COQ6: variants seen among roughly 807,000 people sequenced by gnomAD.
COQ6 encodes the protein ubiquinone biosynthesis monooxygenase COQ6, mitochondrial.
Under a neutral mutation model 55.5 loss-of-function variants are expected in COQ6, and 45 were observed. That is an observed-to-expected ratio of 0.81 (90% CI 0.64 to 1.04). The LOEUF is 1.04. Among genes scored for constraint, COQ6 ranks in the 50% least tolerant of loss-of-function variants. The pLI is 0.00. For missense variants in COQ6, 550 were observed against 601.3 expected, an observed-to-expected ratio of 0.91 and a Z score of 0.89; for synonymous variants, 206 against 230.5, an observed-to-expected ratio of 0.89 and a Z score of 0.96.
chr14:73,960,843 AAGC>A, intron 8 of COQ6: 1 of 421,398 alleles, frequency 2.4e-6, no homozygotes, highest in Non-Finnish European at 4.4e-6. Context: ...CGGGCATTCT[AAGC>A]AGAGGAGAGT....
intron 1 of COQ6, among the ~76,000 whole-genome samples, chr14:73,952,413 T>C (rs1022520003): frequency 2.0e-5 from 3 of 151,826 alleles, no homozygotes; most frequent in Non-Finnish European, 4.4e-5. Flanking sequence ...TGACCCACTG[T>C]GCCTGACCTT....
intron 8 of COQ6, chr14:73,959,999 AAAT>A: frequency 9.7e-7 from 1 of 1,033,884 alleles, no homozygotes; most frequent in Non-Finnish European, 1.2e-6. Flanking sequence ...TAGAAATAAT[AAAT>A]AATAACCTTT....
Position 73,961,468 on chromosome 14 carries a change from A to G in COQ6, c.1108A>G (p.Arg370Gly). The change falls in exon 10 of 12, where the codon AGA becomes GGA. Residue 370 changes from arginine (R) to glycine (G), a missense_variant. Arg to Gly is a moderately radical substitution (Grantham distance 125, BLOSUM62 -2). Transcript: ENST00000334571. ...CTTTATTCTTAGGGATGCAGCCCAC[A>G]GAGTCCATCCGCTTGCAGGACAGGG... ...RVALIGDAAH[R>G]VHPLAGQGVN... The G allele has an allele frequency of 1.2e-6, 2 of 1,614,224 alleles. No homozygotes were observed. Among genetic ancestry groups the G allele is most frequent in the Non-Finnish European group, 1.7e-6 (2 of 1,180,040 alleles).
At chr14:73,959,114 A>G (rs1292352129) in intron 6 of COQ6, 36 bp downstream of exon 6, 3 of 1,614,060 alleles carry the variant, frequency 1.9e-6, no homozygotes, top group African/African-American at 1.3e-5. Context: ...GACTTTATTC[A>G]TAGGCACTAG....
intron 3 of COQ6, 116 bp downstream of exon 3, chr14:73,955,625 A>T: frequency 2.2e-6 from 3 of 1,345,620 alleles, no homozygotes; most frequent in Non-Finnish European, 3.2e-6. Context: ...GTTCACATTC[A>T]GTCCGAGGAA....
At chr14:73,959,838 G>A in intron 8 of COQ6, 1 of 1,305,714 alleles carries the variant, frequency 7.7e-7, no homozygotes, top group Non-Finnish European at 9.8e-7. Context: ...CCAAAGTGCT[G>A]GGATTACAGG....
intron 1 of COQ6, among the ~76,000 whole-genome samples, chr14:73,952,148 GTCTC>G (rs2056228643): frequency 9.1e-6 from 1 of 109,830 alleles, no homozygotes; most frequent in African/African-American, 3.3e-5. Context: ...TTGAGACAGA[GTCTC>G]TGCTCTGTCA....
At chr14:73,957,905 G>T (rs2056519013) in intron 4 of COQ6, 5 of 480,248 alleles carry the variant, frequency 1.0e-5, no homozygotes, top group Non-Finnish European at 1.9e-5. Flanking sequence ...CATGTGGACA[G>T]TAAGAAAGAG....
intron 3 of COQ6, 39 bp from the exon 4 acceptor site, chr14:73,955,766 C>T (rs1566684859): frequency 7.4e-6 from 12 of 1,613,892 alleles, no homozygotes; most frequent in African/African-American, 1.3e-5. Flanking sequence ...TGATGTTTCC[C>T]TCTTGGTTTT....
chr14:73,950,605 G>T (rs2056150078), intron 1 of COQ6, 110 bp downstream of exon 1: 1 of 1,448,538 alleles, frequency 6.9e-7, no homozygotes, highest in African/African-American at 1.4e-5. Context: ...CAGGTCTCGC[G>T]ACGCTTCTCC....
chr14:73,952,191 C>T (rs2056230615), intron 1 of COQ6, among the ~76,000 whole-genome samples: 1 of 141,538 alleles, frequency 7.1e-6, no homozygotes, highest in African/African-American at 2.6e-5. Context: ...GGCAGGATCC[C>T]AGCTCACTGC....
intron 2 of COQ6, 88 bp downstream of exon 2, chr14:73,953,657 C>T: frequency 6.4e-7 from 1 of 1,561,186 alleles, no homozygotes; most frequent in Non-Finnish European, 8.8e-7. Flanking sequence ...ATCAGAGCAT[C>T]TGACAAGGAG....
rs1367774676 is a variant in COQ6 at position 73,950,402 on chromosome 14, T to C, written c.70T>C (p.Trp24Arg). Reference protein sequence around the residue: ...AAPHSGPLVSWRRWSGASTDT... With the variant: ...AAPHSGPLVSRRRWSGASTDT... ...TCCCCACAGCGGCCCGCTGGTGTCC[T>C]GGCGCAGGTGGTCCGGCGCCTCAAC... Residue 24 changes from tryptophan (W) to arginine (R), a missense_variant, in exon 1 of 12, where the codon TGG (tryptophan) becomes CGG (arginine). Physicochemically the swap from Trp to Arg is moderately radical, Grantham distance 101. Coordinates refer to ENST00000334571, the MANE Select transcript of COQ6 (RefSeq NM_182476.3). 1 of 1,589,128 alleles carries C rather than the reference T, an allele frequency of 6.3e-7. No individual in the cohort carries two copies. The highest frequency in any genetic ancestry group is 8.6e-7 in the Non-Finnish European group (1 of 1,168,036).
At chr14:73,958,754 G>C (rs951072697) in intron 5 of COQ6, 6 of 1,450,728 alleles carry the variant, frequency 4.1e-6, no homozygotes, top group Non-Finnish European at 5.4e-6. Flanking sequence ...CTCATGGCTG[G>C]CACCTGTTCA....
intron 5 of COQ6, chr14:73,958,601 C>A (rs1363037284): frequency 1.6e-6 from 2 of 1,287,650 alleles, no homozygotes; most frequent in Non-Finnish European, 2.0e-6. Context: ...CATTTTTCTC[C>A]TTTCTGCTCA....
Position 73,960,971 on chromosome 14 carries a change from C to T in COQ6, c.892-202C>T, listed in dbSNP as rs79246780. 31,085 of 682,988 alleles carry T rather than the reference C, an allele frequency of 0.046. 1,038 individuals carry two copies. The highest frequency in any genetic ancestry group is 0.06 in the Non-Finnish European group (23,523 of 389,044). The allele number at this position is 682,988 out of a possible 1,614,324, so 42.3% of individuals were successfully genotyped here. ...AAGTAGGCAGGGGCCAGCTCATGTACAGTTTGGCTAGATCTTAAAACCTCT... is the reference window on the plus strand; with the variant it reads ...AAGTAGGCAGGGGCCAGCTCATGTATAGTTTGGCTAGATCTTAAAACCTCT... On this transcript the variant is annotated intron_variant, in intron 8 of 11. Transcript: ENST00000334571.
In COQ6 at chr14:73,953,567, G is replaced by T; in HGVS notation, c.296G>T (p.Ser99Ile). 1 of 1,614,214 alleles carries T rather than the reference G, an allele frequency of 6.2e-7. No homozygotes were observed. The highest frequency in any genetic ancestry group is 8.5e-7 in the Non-Finnish European group (1 of 1,180,044). ...TCCCCTGGCTCTGCAACGCTTCTCA[G>T]TAGTGAGTAGAAGATCCTCCTTCAA... ...SISPGSATLL[S>I]SFGAWDHICN... Residue 99 changes from serine (S) to isoleucine (I), a missense_variant and splice_region_variant, in exon 2 of 12, where the codon AGT becomes ATT. Transcript: ENST00000334571.
At chr14:73,953,368 T>G in intron 1 of COQ6, 67 bp from the exon 2 acceptor site, 1 of 1,372,260 alleles carries the variant, frequency 7.3e-7, no homozygotes, top group Non-Finnish European at 1.0e-6. Context: ...TACTCTGTTG[T>G]TTCTCTTGGT....
upstream of COQ6, chr14:73,949,933 G>A: frequency 6.2e-7 from 1 of 1,610,514 alleles, no homozygotes. Context: ...TTTCCTCTCC[G>A]GGATTCCTTT....
Sources: gnomAD v4.1 joint callset for allele counts (sites outside exome capture counted in the v4.1 genomes callset) on GRCh38, gnomAD v4.1.1 for gene constraint, MANE v1.5 for transcripts, NCBI Gene and HGNC (gene_info 2026-07-23, HGNC 2026-07-21) for gene names.